Variants in ZBTB14 observed in about 807,000 individuals in gnomAD.
ZBTB14 encodes zinc finger and BTB domain containing 14.
ZBTB14 carries 8 observed loss-of-function variants against 29.5 expected under a neutral mutation model. The observed-to-expected ratio is 0.27, with a 90% CI of 0.16 to 0.49. ZBTB14 has a LOEUF of 0.49. Among genes scored for constraint, ZBTB14 ranks in the 20% least tolerant of loss-of-function variants. The probability of loss-of-function intolerance (pLI) is 0.99; values close to 1 mark genes in which losing one functional copy is unlikely to be tolerated. For synonymous variants in ZBTB14, 226 were observed against 207.2 expected, an observed-to-expected ratio of 1.09 and a Z score of -0.78; for missense variants, 333 against 563.8, an observed-to-expected ratio of 0.59 and a Z score of 4.15.
At chr18:5,296,356 C>T (rs946386304), upstream of ZBTB14, among the ~76,000 whole-genome samples, 2 of 150,322 alleles carry the variant, frequency 1.3e-5, no homozygotes, top group African/African-American at 4.9e-5. Flanking sequence ...ACCCGCCCCG[C>T]CTCAAGCTCC....
In ZBTB14 at chr18:5,289,658, T is replaced by C. The variant is rs1177164692; in HGVS notation, c.*1200A>G. 1 of 152,368 alleles carries C rather than the reference T, an allele frequency of 6.6e-6. No homozygotes were observed. Among genetic ancestry groups the C allele is most frequent in the East Asian group, 1.9e-4 (1 of 5,196 alleles). The allele number at this position is 152,368 out of a possible 1,614,324, so 9.4% of individuals were successfully genotyped here. A position where few individuals can be genotyped will look rare whatever the true frequency, so the allele number is the denominator to read the frequency against. On this transcript the variant is annotated 3_prime_UTR_variant, in exon 4 of 4. Transcript: ENST00000651870. ...AACTGTAACCAGTGATGAAATATATTTCGAAAACATAAACATTTGGTCTGA... is the reference window on the plus strand; with the variant it reads ...AACTGTAACCAGTGATGAAATATATCTCGAAAACATAAACATTTGGTCTGA...
intron 3 of ZBTB14, among the ~76,000 whole-genome samples, chr18:5,293,001 G>A (rs578262395): frequency 2.4e-4 from 37 of 152,312 alleles, no homozygotes; most frequent in Non-Finnish European, 3.2e-4. Flanking sequence ...GATAAGTGCT[G>A]AGAGTATTTT....
rs762818435 is a variant in ZBTB14, at chr18:5,290,933, G to A, written c.1275C>T (p.Ser425=). The A allele has an allele frequency of 2.7e-5, 43 of 1,614,150 alleles. No homozygotes were observed. The highest frequency in any genetic ancestry group is 3.3e-5 in the Non-Finnish European group (39 of 1,180,062). ...RKQVTPSAIQ[S]ETEQLQAAAM... ...CTGCCGCCTGCAACTGTTCTGTCTC[G>A]CTCTGGATGGCACTGGGGGTAACCT... Residue 425 remains serine, a synonymous_variant, in exon 4 of 4, where the codon AGC becomes AGT. Transcript: ENST00000651870.
chr18:5,294,897 A>C (rs987711292), intron 1 of ZBTB14: 1 of 151,954 alleles, frequency 6.6e-6, no homozygotes, highest in Non-Finnish European at 1.5e-5. Context: ...AGTCGGGAGG[A>C]AGCAGGGAGC....
In ZBTB14 at chr18:5,293,334, AG is replaced by A; in HGVS notation, c.-81-8del. ...GATCAGGAGCACGCCAGACCTACAG[AG>A]GAAAGGATAAACAAGAATGAGGTAG... is the stretch of plus-strand genomic sequence containing the variant. On this transcript the variant is annotated splice_polypyrimidine_tract_variant and splice_region_variant and intron_variant, in intron 2 of 3. Transcript: ENST00000651870. 1.5e-6 allele frequency: 2 copies of A among 1,368,476 alleles called. No homozygotes were observed. Among genetic ancestry groups the A allele is most frequent in the Non-Finnish European group, 2.0e-6 (2 of 988,642 alleles). The allele number at this position is 1,368,476 out of a possible 1,614,324, so 84.8% of individuals were successfully genotyped here. A position where few individuals can be genotyped will look rare whatever the true frequency, so the allele number is the denominator to read the frequency against.
intron 2 of ZBTB14, chr18:5,293,558 C>A (rs1004659015): frequency 1.1e-5 from 3 of 285,648 alleles, no homozygotes; most frequent in Non-Finnish European, 2.0e-5. Flanking sequence ...GCCCTAGGAA[C>A]TGGAAGGAGG....
At chr18:5,296,704 T>G (rs999348851), upstream of ZBTB14, among the ~76,000 whole-genome samples, 1 of 151,900 alleles carries the variant, frequency 6.6e-6, no homozygotes, top group African/African-American at 2.4e-5. Flanking sequence ...ATTTGTAGTG[T>G]AAAGCGCAAC....
In ZBTB14 at chr18:5,292,209, A is replaced by T. The variant is rs753567016; in HGVS notation, c.4-5T>A. On this transcript the variant is annotated splice_polypyrimidine_tract_variant and splice_region_variant and intron_variant, in intron 3 of 3. Coordinates refer to ENST00000651870, the MANE Select transcript of ZBTB14 (RefSeq NM_001243702.2). ...AGACATACTGATGAAAAACTCCTACAAAAAAAAAAAAAGTTTAGTAATTAT... is the reference window on the plus strand; with the variant it reads ...AGACATACTGATGAAAAACTCCTACTAAAAAAAAAAAAGTTTAGTAATTAT... The T allele has an allele frequency of 1.9e-5, 3 of 160,256 alleles. No individual in the cohort carries two copies. Among genetic ancestry groups the T allele is most frequent in the African/African-American group, 2.0e-4 (2 of 9,882 alleles). 9.9% of individuals were successfully genotyped at this position (160,256 alleles called of 1,614,324 possible). A position where few individuals can be genotyped will look rare whatever the true frequency, so the allele number is the denominator to read the frequency against.
chr18:5,291,649 C>T lies in ZBTB14; in HGVS notation c.559G>A (p.Asp187Asn), dbSNP rs753471496. The T allele has an allele frequency of 6.2e-7, 1 of 1,614,082 alleles. No individual in the cohort carries two copies. Among genetic ancestry groups the T allele is most frequent in the South Asian group, 1.1e-5 (1 of 91,080 alleles). The change falls in exon 4 of 4, where the codon GAC (aspartate) becomes AAC (asparagine). Residue 187 changes from aspartate (D) to asparagine (N), a missense_variant. Physicochemically the swap from Asp to Asn is conservative, Grantham distance 23. Transcript: ENST00000651870. The surrounding 1 kb of genome is among the most constrained non-coding windows in gnomAD (Gnocchi z 5.8). ...AGCGTTGTGGTGGGCGACTTGCCGTCCTCCTGACTCGGGGGTGTGCCTTCT... is the reference window on the plus strand; with the variant it reads ...AGCGTTGTGGTGGGCGACTTGCCGTTCTCCTGACTCGGGGGTGTGCCTTCT... Reference protein sequence around the residue: ...TVEGTPPSQEDGKSPTTTLRV... With the variant: ...TVEGTPPSQENGKSPTTTLRV...
chr18:5,295,303 C>A, intron 1 of ZBTB14, among the ~76,000 whole-genome samples: 1 of 144,220 alleles, frequency 6.9e-6, no homozygotes, highest in East Asian at 2.1e-4. Context: ...GGGGGCGGCG[C>A]GCGGCCGGCT....
Position 5,290,961 on chromosome 18 carries a change from T to C in ZBTB14, c.1247A>G (p.Lys416Arg). 6.2e-7 allele frequency: 1 copy of C among 1,614,282 alleles called. No individual in the cohort carries two copies. The highest frequency in any genetic ancestry group is 8.5e-7 in the Non-Finnish European group (1 of 1,180,058). The change falls in exon 4 of 4, where the codon AAG (lysine) becomes AGG (arginine). Residue 416 changes from lysine (K) to arginine (R), a missense_variant. Coordinates refer to ENST00000651870, the MANE Select transcript of ZBTB14 (RefSeq NM_001243702.2). Reference protein sequence around the residue: ...RHENNMHSERKQVTPSAIQSE... With the variant: ...RHENNMHSERRQVTPSAIQSE... ...CTGGATGGCACTGGGGGTAACCTGC[T>C]TCCTTTCACTGTGCATATTGTTCTC...
intron 3 of ZBTB14, 76 bp from the exon 4 acceptor site, chr18:5,292,280 C>T (rs2071834377): frequency 1.6e-6 from 2 of 1,220,736 alleles, no homozygotes; most frequent in Non-Finnish European, 2.2e-6. Context: ...TTTTCATTTC[C>T]TGGTCAATCT....
intron 3 of ZBTB14, among the ~76,000 whole-genome samples, 158 bp downstream of exon 3, chr18:5,293,086 C>T (rs1488731238): frequency 2.6e-5 from 4 of 152,208 alleles, no homozygotes; most frequent in Non-Finnish European, 5.9e-5. Flanking sequence ...AAAGCATTCT[C>T]TATGTTTCCT....
At position 5,291,057 on chromosome 18, in the gene ZBTB14, C is replaced by G. The variant is rs2071802406; in HGVS notation, c.1151G>C (p.Arg384Thr). 1.9e-6 allele frequency: 3 copies of G among 1,614,264 alleles called. No homozygotes were observed. The highest frequency in any genetic ancestry group is 2.5e-6 in the Non-Finnish European group (3 of 1,180,054). The change falls in exon 4 of 4, where the codon AGA becomes ACA. Residue 384 changes from arginine (R) to threonine (T), a missense_variant. Physicochemically the swap from Arg to Thr is moderately conservative, Grantham distance 71. Coordinates refer to ENST00000651870, the MANE Select transcript of ZBTB14 (RefSeq NM_001243702.2). This position sits in a 1 kb window ranked among gnomAD's most constrained non-coding sequence, Gnocchi z 5.8. ...GCCACACACAAAAGGCTTTTCCCCTCTGTGTCTTCTTTCATGATCCTTGAG... is the reference window on the plus strand; with the variant it reads ...GCCACACACAAAAGGCTTTTCCCCTGTGTGTCTTCTTTCATGATCCTTGAG... ...SHLKDHERRHRGEKPFVCGSC... is the reference protein window; with the variant it reads ...SHLKDHERRHTGEKPFVCGSC...
chr18:5,296,514 C>T (rs2071971709), upstream of ZBTB14, among the ~76,000 whole-genome samples: 1 of 151,476 alleles, frequency 6.6e-6, no homozygotes, highest in South Asian at 2.1e-4. Context: ...CTGCGGGGCT[C>T]TGCCGCGTCT....
chr18:5,294,347 T>A (rs1353542719), intron 1 of ZBTB14, among the ~76,000 whole-genome samples: 1 of 152,188 alleles, frequency 6.6e-6, no homozygotes, highest in Non-Finnish European at 1.5e-5. Flanking sequence ...GCAAAAACCT[T>A]ACACTGTGAC....
upstream of ZBTB14, chr18:5,296,227 A>ACG (rs1423704553): frequency 6.7e-6 from 1 of 149,380 alleles, no homozygotes; most frequent in African/African-American, 2.5e-5. Context: ...TGGCCTGCGC[A>ACG]CGCGCGCGCA....
At chr18:5,295,498 G>A (rs1438884897) in intron 1 of ZBTB14, among the ~76,000 whole-genome samples, 154 bp downstream of exon 1, 1 of 144,846 alleles carries the variant, frequency 6.9e-6, no homozygotes, top group Non-Finnish European at 1.5e-5. Context: ...GTGCGAGCGG[G>A]GGCGGCCATG....
At chr18:5,296,379 T>C (rs996389672), upstream of ZBTB14, among the ~76,000 whole-genome samples, 3 of 149,344 alleles carry the variant, frequency 2.0e-5, no homozygotes, top group Non-Finnish European at 4.5e-5. Context: ...CCCGCCCTGG[T>C]TCGTGGGCTT....
Sources: gnomAD v4.1 joint callset for allele counts (sites outside exome capture counted in the v4.1 genomes callset) on GRCh38, gnomAD v4.1.1 for gene constraint, Gnocchi (gnomAD v3.1) non-coding constraint, MANE v1.5 for transcripts, NCBI Gene and HGNC (gene_info 2026-07-23, HGNC 2026-07-21) for gene names.